The following SPAG17 variants were observed in gnomAD, a reference collection of about 807,000 sequenced individuals.
SPAG17 encodes sperm-associated antigen 17.
A neutral mutation model predicts 273.6 loss-of-function variants in SPAG17; 169 were observed. That is an observed-to-expected ratio of 0.62 (90% CI 0.55 to 0.70). The LOEUF (loss-of-function observed/expected upper bound fraction) is 0.70, where lower values mean the gene tolerates loss of function less well. Among genes scored for constraint, SPAG17 ranks in the 30% least tolerant of loss-of-function variants. The probability of loss-of-function intolerance (pLI) is 0.00; values close to 1 mark genes in which losing one functional copy is unlikely to be tolerated. For missense variants in SPAG17, 2,557 were observed against 2,627.8 expected, an observed-to-expected ratio of 0.97 and a Z score of 0.59; for synonymous variants, 825 against 873.2, an observed-to-expected ratio of 0.94 and a Z score of 0.97.
intron 3 of SPAG17, among the ~76,000 whole-genome samples, chr1:118,125,170 G>A (rs908127565): frequency 5.9e-5 from 9 of 151,644 alleles, no homozygotes; most frequent in African/African-American, 9.7e-5. Context: ...GCTATTGCTC[G>A]TCTCCTGGCC....
intron 48 of SPAG17, 32 bp downstream of exon 48, chr1:117,963,767 A>G (rs1227401510): frequency 6.3e-7 from 1 of 1,582,926 alleles, no homozygotes; most frequent in South Asian, 1.1e-5. Flanking sequence ...TGAATGCTTG[A>G]CAATCAAATT....
Position 118,104,582 on chromosome 1 carries a change from A to T in SPAG17, c.448-2656T>A, listed in dbSNP as rs141008659. Among the ~76,000 whole-genome samples, 1,277 of 152,352 alleles carry T rather than the reference A, an allele frequency of 8.4e-3. 14 individuals are homozygous for T. Among genetic ancestry groups the T allele is most frequent in the Non-Finnish European group, 0.013 (909 of 68,036 alleles). ...TTGAGAAATATGAGAATTGAGTCCG[A>T]GATCATGCTAGAGACTCCAATGCTT... On this transcript the variant is annotated intron_variant, in intron 4 of 48. Coordinates refer to ENST00000336338, the MANE Select transcript of SPAG17 (RefSeq NM_206996.4).
intron 43 of SPAG17, among the ~76,000 whole-genome samples, chr1:117,974,090 C>T (rs376126094): frequency 2.6e-5 from 4 of 152,162 alleles, no homozygotes; most frequent in South Asian, 4.2e-4. Flanking sequence ...AGGTTGATTC[C>T]GTGTCTTTGC....
In SPAG17 at chr1:118,054,108, A is replaced by G. The variant is rs775205097; in HGVS notation, c.2723-15T>C. The G allele has an allele frequency of 1.8e-5, 28 of 1,547,086 alleles. No homozygotes were observed. The highest frequency in any genetic ancestry group is 2.3e-5 in the Non-Finnish European group (26 of 1,127,344). Reference sequence around the variant, plus strand: ...TCCTTTGTTACCTATAATCAGATAAAATTAAACTTCTTAGTAACTCTTAAA... The same window carrying G: ...TCCTTTGTTACCTATAATCAGATAAGATTAAACTTCTTAGTAACTCTTAAA... On this transcript the variant is annotated splice_polypyrimidine_tract_variant and intron_variant, in intron 19 of 48. Transcript: ENST00000336338.
chr1:118,056,256 T>C (rs542385932), intron 18 of SPAG17, among the ~76,000 whole-genome samples: 13 of 152,312 alleles, frequency 8.5e-5, no homozygotes, highest in African/African-American at 3.1e-4. Flanking sequence ...TTTGAAGAGA[T>C]GATCACTTTC....
chr1:118,095,155 T>C (rs143162824), intron 7 of SPAG17, among the ~76,000 whole-genome samples: 154 of 152,320 alleles, frequency 1.0e-3, no homozygotes, highest in African/African-American at 3.6e-3. Context: ...AAGTAAAATA[T>C]AGCCACTACC....
rs536064020 is a variant in SPAG17, at chr1:118,126,287, G to A, written c.316-10846C>T. On this transcript the variant is annotated intron_variant, in intron 3 of 48. Coordinates refer to ENST00000336338, the MANE Select transcript of SPAG17 (RefSeq NM_206996.4). ...GTGGCGCGATCTCGGCTCACTGCAAGCTCCACCTCCTGGGTTCATGCCATT... is the reference window on the plus strand; with the variant it reads ...GTGGCGCGATCTCGGCTCACTGCAAACTCCACCTCCTGGGTTCATGCCATT... Among the ~76,000 whole-genome samples, 136 of 141,708 alleles carry A rather than the reference G, an allele frequency of 9.6e-4. 1 individual carries two copies. Among genetic ancestry groups the A allele is most frequent in the African/African-American group, 3.4e-3 (132 of 38,516 alleles). The allele number at this position is 141,708 out of a possible 152,430, so 93.0% of individuals were successfully genotyped here. A position where few individuals can be genotyped will look rare whatever the true frequency, so the allele number is the denominator to read the frequency against.
chr1:118,169,577 G>T (rs1228480465), intron 1 of SPAG17, among the ~76,000 whole-genome samples: 1 of 152,076 alleles, frequency 6.6e-6, no homozygotes, highest in Non-Finnish European at 1.5e-5. Flanking sequence ...AATTGCTCAA[G>T]GGTTATGTCC....
At chr1:118,073,437 C>T (rs1028714685) in intron 17 of SPAG17, among the ~76,000 whole-genome samples, 6 of 152,130 alleles carry the variant, frequency 3.9e-5, no homozygotes, top group Non-Finnish European at 7.3e-5. Context: ...TTGGCTACCA[C>T]AGATTCCATT....
In SPAG17 at chr1:118,016,047, C is replaced by A. The variant is rs202001478; in HGVS notation, c.4205G>T (p.Arg1402Leu). The A allele has an allele frequency of 6.2e-7, 1 of 1,613,986 alleles. No homozygotes were observed. The highest frequency in any genetic ancestry group is 2.2e-5 in the East Asian group (1 of 44,876). Reference protein sequence around the residue: ...TWFTTTPEGNRIGTKGLERIA... With the variant: ...TWFTTTPEGNLIGTKGLERIA... ...TCTTTCTAATCCTTTGGTGCCGATC[C>A]GATTTCCTTCAGGTGTGGTTGTAAA... Residue 1402 changes from arginine to leucine, a missense_variant, in exon 29 of 49, where the codon CGG becomes CTG. Physicochemically the swap from Arg to Leu is moderately radical, Grantham distance 102 (BLOSUM62 -2). Coordinates refer to ENST00000336338, the MANE Select transcript of SPAG17 (RefSeq NM_206996.4).
At chr1:118,166,127 T>G (rs768254469) in intron 1 of SPAG17, among the ~76,000 whole-genome samples, 3 of 152,198 alleles carry the variant, frequency 2.0e-5, no homozygotes, top group Non-Finnish European at 4.4e-5. Context: ...GAGGTTTTCT[T>G]TCTATTTCTA....
chr1:118,076,606 A>G (rs1328020942), intron 15 of SPAG17: 2 of 152,192 alleles, frequency 1.3e-5, no homozygotes, highest in South Asian at 4.1e-4. Context: ...CCTATGTTTA[A>G]GGATCCAGCA....
chr1:118,006,876 C>A (rs993006357), intron 31 of SPAG17, among the ~76,000 whole-genome samples: 12 of 152,166 alleles, frequency 7.9e-5, no homozygotes, highest in African/African-American at 2.9e-4. Flanking sequence ...TGTTGAGCAT[C>A]TTTTCTTGGC....
Position 118,101,686 on chromosome 1 carries a change from T to C in SPAG17, c.634+54A>G. 7 of 1,536,664 alleles carry C rather than the reference T, an allele frequency of 4.6e-6. No homozygotes were observed. In the South Asian group the frequency reaches 8.3e-5, roughly 18 times the overall value. On this transcript the variant is annotated intron_variant, in intron 5 of 48. Transcript: ENST00000336338. ...CACCAAATTAACTGGTCTCATTTTATTGCCACTGTGTTTCACTCGTGAAAG... is the reference window on the plus strand; with the variant it reads ...CACCAAATTAACTGGTCTCATTTTACTGCCACTGTGTTTCACTCGTGAAAG...
At chr1:118,026,034 G>A (rs1647706842) in intron 26 of SPAG17, among the ~76,000 whole-genome samples, 1 of 152,080 alleles carries the variant, frequency 6.6e-6, no homozygotes, top group Admixed American at 6.6e-5. Context: ...TCCTCTTCCT[G>A]CCCACTGGTG....
In SPAG17 at chr1:118,097,656, ATG is replaced by A; in HGVS notation, c.1011+12_1011+13del. 2 of 1,554,176 alleles carry A rather than the reference ATG, an allele frequency of 1.3e-6. No individual in the cohort carries two copies. Among genetic ancestry groups the A allele is most frequent in the Non-Finnish European group, 1.7e-6 (2 of 1,155,236 alleles). On this transcript the variant is annotated intron_variant, in intron 7 of 48. Coordinates refer to ENST00000336338, the MANE Select transcript of SPAG17 (RefSeq NM_206996.4). ...ATGTTAAAACCATGCACTCTCAGTA[ATG>A]TGTGTACTAACCATCATCTCACCAT...
rs145822018 is a variant in SPAG17 at position 118,109,136 on chromosome 1, C to T, written c.447+6174G>A. On this transcript the variant is annotated intron_variant, in intron 4 of 48. Transcript: ENST00000336338. ...GTGAAACTGATGATATATATCTATACTTCATCTTATTCTTTTTTTTTTTTG... is the reference window on the plus strand; with the variant it reads ...GTGAAACTGATGATATATATCTATATTTCATCTTATTCTTTTTTTTTTTTG... Among the ~76,000 whole-genome samples, 707 of 151,530 alleles carry T rather than the reference C, an allele frequency of 4.7e-3. 4 individuals are homozygous for T. The highest frequency in any genetic ancestry group is 0.017 in the Middle Eastern group (5 of 292).
rs769078202 is a variant in SPAG17, at chr1:117,987,870, G to A, written c.5633C>T (p.Ser1878Phe). 6.2e-7 allele frequency: 1 copy of A among 1,613,882 alleles called. No homozygotes were observed. The highest frequency in any genetic ancestry group is 1.7e-5 in the Admixed American group (1 of 59,984). ...FFEKTWRHTA[S>F]SKRWKEKIDK... is the part of the protein sequence containing the mutation. ...TATCTTTTCTTTCCAGCGTTTTGAG[G>A]ATGCTGTGTGTCTATGTGAAAGGAA... is the stretch of plus-strand genomic sequence containing the variant. The change falls in exon 40 of 49, where the codon TCC (serine) becomes TTC (phenylalanine). Residue 1878 changes from serine (S) to phenylalanine (F), a missense_variant. Physicochemically the swap from Ser to Phe is radical, Grantham distance 155 (BLOSUM62 -2). Transcript: ENST00000336338.
intron 1 of SPAG17, among the ~76,000 whole-genome samples, chr1:118,177,639 G>T (rs1028904979): frequency 1.3e-5 from 2 of 151,990 alleles, no homozygotes; most frequent in Admixed American, 1.3e-4. Context: ...AAACAAGTTG[G>T]TTTTTTTGAA....
Sources: gnomAD v4.1 joint callset for allele counts (sites outside exome capture counted in the v4.1 genomes callset) on GRCh38, gnomAD v4.1.1 for gene constraint, MANE v1.5 for transcripts, NCBI Gene and HGNC (gene_info 2026-07-23, HGNC 2026-07-21) for gene names.